The following SPECC1 variants were observed in gnomAD, a reference collection of about 807,000 sequenced individuals.
SPECC1 encodes sperm antigen with calponin homology and coiled-coil domains 1.
SPECC1 carries 62 observed loss-of-function variants against 104.1 expected under a neutral mutation model. The ratio of observed to expected loss-of-function variants is 0.60; its 90% CI spans 0.49 to 0.74. The LOEUF (loss-of-function observed/expected upper bound fraction) is 0.74, where lower values mean the gene tolerates loss of function less well. Among genes scored for constraint, SPECC1 ranks in the 30% least tolerant of loss-of-function variants. The pLI, the probability that SPECC1 is intolerant of heterozygous loss-of-function variation, is 0.00. For synonymous variants in SPECC1, 513 were observed against 501.6 expected (o/e 1.02, Z -0.30); for missense variants, 1,306 against 1,310.5 (o/e 1.00, Z 0.05).
At chr17:20,284,037 T>A (rs1202499525) in intron 12 of SPECC1, among the ~76,000 whole-genome samples, 11 of 152,256 alleles carry the variant, frequency 7.2e-5, no homozygotes. Context: ...CTTAGATGGC[T>A]TTCTTTCCCC....
At chr17:20,267,461 T>C (rs2040255234) in intron 12 of SPECC1, among the ~76,000 whole-genome samples, 2 of 152,214 alleles carry the variant, frequency 1.3e-5, no homozygotes, top group African/African-American at 2.4e-5. Flanking sequence ...ATAACCCCCA[T>C]GACTCTCCAT....
chr17:20,298,948 A>AGAGAGAGAGAGTGTGTGTGTGT, intron 13 of SPECC1, among the ~76,000 whole-genome samples: 3 of 49,074 alleles, frequency 6.1e-5, no homozygotes, highest in African/African-American at 1.9e-4. Context: ...AGAGAGAGAG[A>AGAGAGAGAGAGTGTGTGTGTGT]GTGTGTGTGT....
At chr17:20,311,100 G>GTTTT (rs1567626515) in intron 14 of SPECC1, among the ~76,000 whole-genome samples, 1 of 130,930 alleles carries the variant, frequency 7.6e-6, no homozygotes. Flanking sequence ...ACCTTAGTGG[G>GTTTT]GTTTTTTTTT....
chr17:20,137,430 C>G (rs1353632812), intron 3 of SPECC1, among the ~76,000 whole-genome samples: 1 of 152,158 alleles, frequency 6.6e-6, no homozygotes, highest in Non-Finnish European at 1.5e-5. Context: ...AATGAAATGA[C>G]ACATCTGCAG....
chr17:20,039,445 G>A (rs962964258), intron 1 of SPECC1, among the ~76,000 whole-genome samples: 2 of 151,876 alleles, frequency 1.3e-5, no homozygotes, highest in Admixed American at 1.3e-4. Flanking sequence ...TCTTTTCTCT[G>A]AAGTCTATTT....
chr17:20,274,810 C>T (rs995567834), intron 12 of SPECC1, among the ~76,000 whole-genome samples: 4 of 151,382 alleles, frequency 2.6e-5, no homozygotes, highest in Non-Finnish European at 5.9e-5. Context: ...ACCTCTTGTA[C>T]TTTTTTTGGT....
intron 1 of SPECC1, among the ~76,000 whole-genome samples, chr17:20,015,534 T>C (rs2044084673): frequency 6.6e-6 from 1 of 151,846 alleles, no homozygotes; most frequent in African/African-American, 2.4e-5. Flanking sequence ...AGCCCATCTC[T>C]TGAGTGTTTT....
At chr17:20,185,619 A>G (rs935225970) in intron 3 of SPECC1, among the ~76,000 whole-genome samples, 1 of 151,562 alleles carries the variant, frequency 6.6e-6, no homozygotes, top group African/African-American at 2.4e-5. Context: ...TGATGAGGTT[A>G]TGGGGAAATT....
At chr17:20,208,482 A>G (rs1411435355) in intron 4 of SPECC1, among the ~76,000 whole-genome samples, 2 of 152,258 alleles carry the variant, frequency 1.3e-5, no homozygotes, top group Non-Finnish European at 2.9e-5. Context: ...GTAATCTGCC[A>G]ACAACCATGA....
At chr17:20,159,898 T>TA (rs1003688802) in intron 3 of SPECC1, among the ~76,000 whole-genome samples, 7 of 152,042 alleles carry the variant, frequency 4.6e-5, no homozygotes, top group African/African-American at 1.7e-4. Context: ...GGCATCTGCT[T>TA]AGAGAGTTGA....
intron 1 of SPECC1, among the ~76,000 whole-genome samples, chr17:20,064,232 G>A (rs1367074248): frequency 6.6e-6 from 1 of 152,198 alleles, no homozygotes; most frequent in Non-Finnish European, 1.5e-5. Context: ...GAGCAGCTGG[G>A]GGCCAGAGAA....
chr17:20,221,034 C>T (rs1258338218), intron 4 of SPECC1, among the ~76,000 whole-genome samples: 1 of 152,130 alleles, frequency 6.6e-6, no homozygotes, highest in African/African-American at 2.4e-5. Flanking sequence ...GATGAATAAT[C>T]TTTTAAATAT....
rs566157923 is a variant in SPECC1 at position 20,075,366 on chromosome 17, G to A, written c.-21-21265G>A. 1.5e-3 allele frequency among the ~76,000 whole-genome samples: 235 copies of A among 152,284 alleles called. 1 individual carries two copies. Among genetic ancestry groups the A allele is most frequent in the African/African-American group, 5.2e-3 (217 of 41,546 alleles). On this transcript the variant is annotated intron_variant, in intron 1 of 14. Coordinates refer to ENST00000395527, the MANE Select transcript of SPECC1 (RefSeq NM_001243439.2). ...CCTAGAGAGGTCAGAGAGATGGGTG[G>A]GCAGGTAGGTGAGTGGTGCAGCCAG...
chr17:20,140,509 G>A (rs1369990815), intron 3 of SPECC1, among the ~76,000 whole-genome samples: 4 of 152,038 alleles, frequency 2.6e-5, no homozygotes, highest in Non-Finnish European at 5.9e-5. Flanking sequence ...CTCCCTCTTT[G>A]TACTCATATT....
chr17:20,256,951 G>A (rs1431961554), intron 10 of SPECC1, among the ~76,000 whole-genome samples: 1 of 152,220 alleles, frequency 6.6e-6, no homozygotes, highest in East Asian at 1.9e-4. Flanking sequence ...CCTTGAAAGA[G>A]TGATTCCTAC....
chr17:20,106,906 T>C (rs2048229719), intron 2 of SPECC1, among the ~76,000 whole-genome samples: 3 of 151,994 alleles, frequency 2.0e-5, no homozygotes, highest in Admixed American at 2.0e-4. Flanking sequence ...CCTGTAATCC[T>C]AGCACTTTGG....
At chr17:20,058,676 A>C (rs1463028510) in intron 1 of SPECC1, among the ~76,000 whole-genome samples, 1 of 151,766 alleles carries the variant, frequency 6.6e-6, no homozygotes, top group Non-Finnish European at 1.5e-5. Flanking sequence ...AAGTTTATTC[A>C]TTTTTTAGCA....
chr17:20,227,430 A>T lies in SPECC1; in HGVS notation c.1881A>T (p.Ser627=). 6.2e-7 allele frequency: 1 copy of T among 1,611,688 alleles called. No individual in the cohort carries two copies. Among genetic ancestry groups the T allele is most frequent in the Non-Finnish European group, 8.5e-7 (1 of 1,179,342 alleles). ...TATTTTAGGTGGAAAAGGATTATTC[A>T]TACCTGAAGGAGATATGTGATCACC... ...SLLAKVEKDY[S]YLKEICDHQA... Residue 627 remains serine (S), a synonymous_variant, in exon 5 of 15, where the codon TCA becomes TCT. Coordinates refer to ENST00000395527, the MANE Select transcript of SPECC1 (RefSeq NM_001243439.2).
chr17:20,140,931 GTCT>G (rs1176950231), intron 3 of SPECC1, among the ~76,000 whole-genome samples: 2 of 152,216 alleles, frequency 1.3e-5, no homozygotes, highest in African/African-American at 4.8e-5. Context: ...ATCTATGGCT[GTCT>G]TACCTCCCTC....
Sources: allele counts gnomAD v4.1 joint callset (sites outside exome capture counted in the v4.1 genomes callset), GRCh38; gene constraint gnomAD v4.1.1; transcripts MANE v1.5; gene names NCBI Gene and HGNC (gene_info 2026-07-23, HGNC 2026-07-21).